Variants in MCM10 observed in about 807,000 individuals in gnomAD.
MCM10 encodes protein MCM10 homolog.
A neutral mutation model predicts 109.9 loss-of-function variants in MCM10; 91 were observed. The observed-to-expected ratio is 0.83, with a 90% CI of 0.70 to 0.99. The LOEUF (loss-of-function observed/expected upper bound fraction) is 0.99. Ranked by LOEUF, MCM10 falls within the 50% of genes least tolerant of loss-of-function variation. The pLI is 0.00. For missense variants in MCM10, 1,077 were observed against 1,061.2 expected (o/e 1.01, Z -0.21); for synonymous variants, 380 against 387.2 (o/e 0.98, Z 0.22).
chr10:13,178,620 A>G (rs1187339015), intron 6 of MCM10, among the ~76,000 whole-genome samples: 2 of 152,166 alleles, frequency 1.3e-5, no homozygotes, highest in Non-Finnish European at 2.9e-5. Context: ...TAGCTTTCGT[A>G]TAATTTGAAG....
intron 18 of MCM10, among the ~76,000 whole-genome samples, chr10:13,206,288 C>T (rs926353486): frequency 2.0e-5 from 3 of 152,222 alleles, no homozygotes; most frequent in Non-Finnish European, 4.4e-5. Context: ...CATCACATTT[C>T]GCCCACGGGC....
At position 13,182,587 on chromosome 10, in the gene MCM10, T is replaced by C. The variant is rs1394222541; in HGVS notation, c.931-346T>C. Among the ~76,000 whole-genome samples, 1 of 152,202 alleles carries C rather than the reference T, an allele frequency of 6.6e-6. No individual in the cohort carries two copies. Among genetic ancestry groups the C allele is most frequent in the African/African-American group, 2.4e-5 (1 of 41,450 alleles). ...TAAATGGTACTGTCATACCTTCCAC[T>C]GTCCTTTTAATGATGTGTGTGTGTG... On this transcript the variant is annotated intron_variant, in intron 7 of 19. Coordinates refer to ENST00000378714, the MANE Select transcript of MCM10 (RefSeq NM_018518.5). The surrounding 1 kb of genome is among the most constrained non-coding windows in gnomAD (Gnocchi z 4.2).
rs1026025132 is a variant in MCM10, at chr10:13,165,463, A to G, written c.7+1254A>G. On this transcript the variant is annotated intron_variant, in intron 2 of 19. Transcript: ENST00000378714. Reference sequence around the variant, plus strand: ...AAATTGCCTACAGGGCAGGTTATATAATACAAAGCATCACTTTTTGCTATC... The same window carrying G: ...AAATTGCCTACAGGGCAGGTTATATGATACAAAGCATCACTTTTTGCTATC... 2.0e-5 allele frequency among the ~76,000 whole-genome samples: 3 copies of G among 152,386 alleles called. No homozygotes were observed. In the East Asian group the frequency reaches 5.8e-4, roughly 29 times the overall value.
chr10:13,174,989 G>T (rs981397433), intron 5 of MCM10, among the ~76,000 whole-genome samples: 1 of 152,096 alleles, frequency 6.6e-6, no homozygotes, highest in Non-Finnish European at 1.5e-5. Context: ...TTAGCCGGAC[G>T]TGGTGGCGCA....
At chr10:13,176,481 G>C (rs1287548905) in intron 6 of MCM10, among the ~76,000 whole-genome samples, 9 of 152,322 alleles carry the variant, frequency 5.9e-5, no homozygotes, top group Non-Finnish European at 1.3e-4. Context: ...GAGGAACCAA[G>C]TGAAACCCTC....
intron 2 of MCM10, among the ~76,000 whole-genome samples, chr10:13,164,978 T>TA (rs1055258713): frequency 3.3e-5 from 5 of 152,132 alleles, no homozygotes; most frequent in African/African-American, 4.8e-5. Context: ...TGGGTTTTTT[T>TA]AAAAAATTCA....
chr10:13,161,924 C>A (rs552146147), intron 1 of MCM10, among the ~76,000 whole-genome samples: 51 of 152,108 alleles, frequency 3.4e-4, no homozygotes, highest in Non-Finnish European at 6.0e-4. Context: ...TCATTGGTTT[C>A]TCGTATTCAT....
At chr10:13,176,207 C>G (rs186407602) in intron 6 of MCM10, among the ~76,000 whole-genome samples, 3 of 152,104 alleles carry the variant, frequency 2.0e-5, no homozygotes, top group Admixed American at 2.0e-4. Context: ...TTCTAATAGT[C>G]TTTTTAAGGC....
intron 13 of MCM10, among the ~76,000 whole-genome samples, chr10:13,194,153 C>T (rs1225618326): frequency 1.3e-5 from 2 of 152,108 alleles, no homozygotes; most frequent in Non-Finnish European, 2.9e-5. Flanking sequence ...CGCCTGAGCC[C>T]AGGAGTTTGA....
At chr10:13,166,096 T>C (rs571951999) in intron 2 of MCM10, among the ~76,000 whole-genome samples, 58 of 151,980 alleles carry the variant, frequency 3.8e-4, no homozygotes, top group Non-Finnish European at 7.2e-4. Flanking sequence ...CTGCTATGTC[T>C]TTGTATGCTG....
In MCM10 at chr10:13,189,020, G is replaced by A. The variant is rs1049246662; in HGVS notation, c.1355G>A (p.Arg452Gln). 18 of 1,614,130 alleles carry A rather than the reference G, an allele frequency of 1.1e-5. No individual in the cohort carries two copies. Among genetic ancestry groups the A allele is most frequent in the South Asian group, 6.6e-5 (6 of 91,086 alleles). The change falls in exon 10 of 20, where the codon CGG (arginine) becomes CAG (glutamine). Residue 452 changes from arginine to glutamine, a missense_variant. Arg to Gln is a conservative substitution (Grantham distance 43, BLOSUM62 1). Transcript: ENST00000378714. ...CGCAGAGGCACCAGCCTCAAAGAAC[G>A]GCTGTGCCAAGATGGCTTTTACTAC... is the stretch of plus-strand genomic sequence containing the variant. ...FARRGTSLKE[R>Q]LCQDGFYYGG...
intron 1 of MCM10, among the ~76,000 whole-genome samples, chr10:13,162,649 G>T (rs1833942551): frequency 6.6e-6 from 1 of 152,146 alleles, no homozygotes; most frequent in Non-Finnish European, 1.5e-5. Flanking sequence ...TCATTTTGGG[G>T]GAAGGCAAGG....
chr10:13,181,545 G>A (rs989970114), intron 7 of MCM10, among the ~76,000 whole-genome samples: 1 of 152,116 alleles, frequency 6.6e-6, no homozygotes, highest in Non-Finnish European at 1.5e-5. Context: ...GGGAGGGGGA[G>A]AGCATTAGGG....
At chr10:13,188,828 C>A in intron 9 of MCM10, 53 bp from the exon 10 acceptor site, 3 of 1,479,770 alleles carry the variant, frequency 2.0e-6, no homozygotes, top group South Asian at 1.1e-5. Context: ...CTGCTCACTG[C>A]TGTTTCCCAG....
chr10:13,197,795 G>A (rs775607609), intron 15 of MCM10, 28 bp downstream of exon 15: 11 of 1,590,238 alleles, frequency 6.9e-6, no homozygotes, highest in Non-Finnish European at 9.4e-6. Flanking sequence ...TTAACAGTGG[G>A]AAAGAGAAAC....
At position 13,204,202 on chromosome 10, in the gene MCM10, T is replaced by C; in HGVS notation, c.2353-17T>C. 6.2e-7 allele frequency: 1 copy of C among 1,607,968 alleles called. No individual in the cohort carries two copies. Among genetic ancestry groups the C allele is most frequent in the Non-Finnish European group, 8.5e-7 (1 of 1,175,872 alleles). Reference sequence around the variant, plus strand: ...GGCTCTTCACCGGCGGTGTGGGTTTTTTGTTGCTCTGTGCAGTGCGCCTAT... The same window carrying C: ...GGCTCTTCACCGGCGGTGTGGGTTTCTTGTTGCTCTGTGCAGTGCGCCTAT... On this transcript the variant is annotated splice_polypyrimidine_tract_variant and intron_variant, in intron 17 of 19. Transcript: ENST00000378714.
intron 2 of MCM10, among the ~76,000 whole-genome samples, chr10:13,170,420 GC>G (rs772724704): frequency 8.9e-4 from 136 of 151,966 alleles, no homozygotes; most frequent in Middle Eastern, 6.8e-3. Flanking sequence ...TACATCTAAA[GC>G]CTAAATCTAT....
At position 13,195,187 on chromosome 10, in the gene MCM10, T is replaced by A. The variant is rs750899220; in HGVS notation, c.1892T>A (p.Val631Asp). ...ATMTPKLGRG[V>D]LEGDDVLFYD... is the part of the protein sequence containing the mutation. Reference sequence around the variant, plus strand: ...ATGACGCCCAAGCTGGGGCGAGGTGTCTTGGAAGGAGATGATGTTCTCTTT... The same window carrying A: ...ATGACGCCCAAGCTGGGGCGAGGTGACTTGGAAGGAGATGATGTTCTCTTT... Residue 631 changes from valine to aspartate, a missense_variant, in exon 14 of 20, where the codon GTC becomes GAC. Transcript: ENST00000378714. 6.2e-7 allele frequency: 1 copy of A among 1,613,812 alleles called. No homozygotes were observed. The highest frequency in any genetic ancestry group is 8.5e-7 in the Non-Finnish European group (1 of 1,179,922).
chr10:13,174,445 A>G (rs1254278214), intron 5 of MCM10, among the ~76,000 whole-genome samples: 2 of 152,096 alleles, frequency 1.3e-5, no homozygotes, highest in Non-Finnish European at 2.9e-5. Flanking sequence ...ATAAATCTCC[A>G]CTAATTACTC....
Sources: allele counts gnomAD v4.1 joint callset (sites outside exome capture counted in the v4.1 genomes callset), GRCh38; gene constraint gnomAD v4.1.1; non-coding constraint Gnocchi (gnomAD v3.1); transcripts MANE v1.5; gene names NCBI Gene and HGNC (gene_info 2026-07-23, HGNC 2026-07-21).